SOX5: variants seen among roughly 807,000 people sequenced by gnomAD.
The protein encoded by SOX5 is SRY-box transcription factor 5.
In SOX5, 9 loss-of-function variants were observed where a neutral mutation model predicts 92.0. The ratio of observed to expected loss-of-function variants is 0.10; its 90% CI spans 0.06 to 0.17. The LOEUF (loss-of-function observed/expected upper bound fraction) is 0.17. SOX5 is among the 10% of genes least tolerant of loss of function. The probability of loss-of-function intolerance (pLI) is 1.00; values close to 1 mark genes in which losing one functional copy is unlikely to be tolerated. For synonymous variants in SOX5, 344 were observed against 336.3 expected, an observed-to-expected ratio of 1.02 and a Z score of -0.25; for missense variants, 642 against 944.5, an observed-to-expected ratio of 0.68 and a Z score of 4.20.
intron 3 of SOX5, among the ~76,000 whole-genome samples, chr12:23,822,346 A>G (rs947786082): frequency 2.0e-5 from 3 of 152,190 alleles, no homozygotes; most frequent in Admixed American, 2.0e-4. Flanking sequence ...TTGGTTTCAA[A>G]GAACTTATTT....
intron 1 of SOX5, among the ~76,000 whole-genome samples, chr12:23,945,298 TA>T (rs1569184827): frequency 2.0e-5 from 3 of 152,150 alleles, no homozygotes. Context: ...TAAGAACAGG[TA>T]AATACTTTAA....
intron 4 of SOX5, among the ~76,000 whole-genome samples, chr12:24,046,349 T>C (rs1261759412): frequency 2.0e-5 from 3 of 152,164 alleles, no homozygotes; most frequent in East Asian, 3.9e-4. Flanking sequence ...GCCTTTTTTT[T>C]CCCTTTCCAG....
chr12:23,612,442 G>C (rs1386747566), intron 8 of SOX5, among the ~76,000 whole-genome samples: 1 of 151,976 alleles, frequency 6.6e-6, no homozygotes, highest in Non-Finnish European at 1.5e-5. Context: ...AAAATAAATA[G>C]CTGTCACTTC....
intron 4 of SOX5, among the ~76,000 whole-genome samples, chr12:24,015,507 C>G (rs932051208): frequency 3.3e-5 from 5 of 152,062 alleles, no homozygotes; most frequent in Non-Finnish European, 5.9e-5. Context: ...CATTATTGTT[C>G]GCCTCTTGTT....
intron 4 of SOX5, among the ~76,000 whole-genome samples, chr12:24,172,128 G>C (rs1954270761): frequency 6.6e-6 from 1 of 151,898 alleles, no homozygotes; most frequent in Admixed American, 6.6e-5. Flanking sequence ...CTGTAAGCAG[G>C]CTTGGGGATT....
intron 4 of SOX5, among the ~76,000 whole-genome samples, chr12:24,192,988 G>A (rs1432205427): frequency 2.0e-5 from 3 of 152,084 alleles, no homozygotes; most frequent in Admixed American, 2.0e-4. Flanking sequence ...GTAAATGTAT[G>A]GAACACAAAT....
At chr12:23,549,577 T>A (rs973830130) in intron 11 of SOX5, among the ~76,000 whole-genome samples, 10 of 151,940 alleles carry the variant, frequency 6.6e-5, no homozygotes, top group South Asian at 6.2e-4. Flanking sequence ...TTTAAAGGAA[T>A]ACTCGCCAGA....
intron 3 of SOX5, among the ~76,000 whole-genome samples, chr12:24,270,978 C>A (rs1565796524): frequency 2.0e-5 from 3 of 152,214 alleles, no homozygotes; most frequent in African/African-American, 4.8e-5. Context: ...TGTAAACCAT[C>A]TTGTAGATTT....
At chr12:23,775,440 TC>T (rs1482661353) in intron 3 of SOX5, among the ~76,000 whole-genome samples, 2 of 152,070 alleles carry the variant, frequency 1.3e-5, no homozygotes, top group African/African-American at 4.8e-5. Context: ...GCTCTCTTAA[TC>T]AGTAACAGTA....
intron 3 of SOX5, among the ~76,000 whole-genome samples, chr12:24,263,874 C>G (rs1333101061): frequency 6.6e-6 from 1 of 152,152 alleles, no homozygotes; most frequent in African/African-American, 2.4e-5. Context: ...CACACTTGTA[C>G]TTTCTAGTAG....
intron 3 of SOX5, among the ~76,000 whole-genome samples, chr12:24,242,121 C>T (rs1254431546): frequency 6.6e-6 from 1 of 152,066 alleles, no homozygotes; most frequent in Non-Finnish European, 1.5e-5. Context: ...TGTGAAGAAC[C>T]TCAAAGATTT....
intron 3 of SOX5, among the ~76,000 whole-genome samples, chr12:24,271,152 A>G (rs1328816589): frequency 2.0e-5 from 3 of 152,250 alleles, no homozygotes; most frequent in Admixed American, 1.3e-4. Context: ...GAGTGTTGCT[A>G]TTGCTCTCCA....
chr12:23,821,119 C>G (rs1368789498), intron 3 of SOX5, among the ~76,000 whole-genome samples: 1 of 152,114 alleles, frequency 6.6e-6, no homozygotes, highest in African/African-American at 2.4e-5. Flanking sequence ...GTTTGTAGTT[C>G]TCCTTGAAGA....
chr12:24,290,572 AG>A (rs1946504968), intron 2 of SOX5, among the ~76,000 whole-genome samples: 1 of 152,190 alleles, frequency 6.6e-6, no homozygotes, highest in African/African-American at 2.4e-5. Flanking sequence ...GCCAGAATTT[AG>A]GTTCAGAGGT....
intron 9 of SOX5, among the ~76,000 whole-genome samples, chr12:23,601,785 A>G (rs1019625449): frequency 2.6e-5 from 4 of 152,116 alleles, no homozygotes; most frequent in African/African-American, 9.7e-5. Context: ...TCTTCATTAA[A>G]ATGACAACAG....
intron 2 of SOX5, among the ~76,000 whole-genome samples, chr12:24,344,636 T>C (rs1953008127): frequency 6.6e-6 from 1 of 152,166 alleles, no homozygotes; most frequent in Non-Finnish European, 1.5e-5. Context: ...GAGAAGCTTC[T>C]GTGCTCCTCA....
intron 2 of SOX5, among the ~76,000 whole-genome samples, chr12:23,876,227 C>G (rs557231352): frequency 6.6e-5 from 10 of 152,104 alleles, no homozygotes; most frequent in African/African-American, 2.4e-4. Flanking sequence ...AATCTATCCA[C>G]CTGACAAAGG....
chr12:23,911,657 G>C (rs1164867038), intron 1 of SOX5, among the ~76,000 whole-genome samples: 1 of 152,066 alleles, frequency 6.6e-6, no homozygotes, highest in Non-Finnish European at 1.5e-5. Context: ...ATGTGAGAGA[G>C]ACCTAAAGAT....
At chr12:23,571,842 A>G (rs2136593314) in intron 10 of SOX5, among the ~76,000 whole-genome samples, 1 of 152,274 alleles carries the variant, frequency 6.6e-6, no homozygotes, top group East Asian at 1.9e-4. Flanking sequence ...ACAAGCTTTG[A>G]CTAGATTATA....
Sources: gnomAD v4.1 joint callset for allele counts (sites outside exome capture counted in the v4.1 genomes callset) on GRCh38, gnomAD v4.1.1 for gene constraint, MANE v1.5 for transcripts, NCBI Gene and HGNC (gene_info 2026-07-23, HGNC 2026-07-21) for gene names.